CNST: variants seen among roughly 807,000 people sequenced by gnomAD.
The protein encoded by CNST is consortin.
CNST carries 39 observed loss-of-function variants against 72.4 expected under a neutral mutation model. That is an observed-to-expected ratio of 0.54 (90% CI 0.42 to 0.70). The LOEUF (loss-of-function observed/expected upper bound fraction) is 0.70, where lower values mean the gene tolerates loss of function less well. Among genes scored for constraint, CNST ranks in the 30% least tolerant of loss-of-function variants. The pLI is 0.00. For synonymous variants in CNST, 332 were observed against 320.1 expected, an observed-to-expected ratio of 1.04 and a Z score of -0.40; for missense variants, 871 against 868.5, an observed-to-expected ratio of 1.00 and a Z score of -0.04.
chr1:246,582,234 C>T (rs1232456140), intron 1 of CNST, among the ~76,000 whole-genome samples: 1 of 152,178 alleles, frequency 6.6e-6, no homozygotes, highest in Non-Finnish European at 1.5e-5. Context: ...TGTATTCTAT[C>T]TCTCACCATC....
At chr1:246,581,418 C>T (rs1298790065) in intron 1 of CNST, among the ~76,000 whole-genome samples, 1 of 152,236 alleles carries the variant, frequency 6.6e-6, no homozygotes, top group African/African-American at 2.4e-5. Flanking sequence ...CATGCGCCTC[C>T]ACGCCTGGCT....
chr1:246,664,657 A>G (rs1572264622), intron 10 of CNST, among the ~76,000 whole-genome samples: 1 of 145,562 alleles, frequency 6.9e-6, no homozygotes, highest in Non-Finnish European at 1.6e-5. Flanking sequence ...CGATCTCCTG[A>G]CCTCGTGATC....
chr1:246,617,162 A>T (rs937383026), intron 2 of CNST, among the ~76,000 whole-genome samples: 4 of 152,232 alleles, frequency 2.6e-5, no homozygotes, highest in Non-Finnish European at 1.5e-5. Flanking sequence ...ATTAAAAGAC[A>T]TAGAGGAAAA....
intron 2 of CNST, among the ~76,000 whole-genome samples, chr1:246,605,400 G>C (rs1482474753): frequency 1.3e-5 from 2 of 152,202 alleles, no homozygotes; most frequent in African/African-American, 2.4e-5. Flanking sequence ...GGGCGCGGTG[G>C]CTCACGCCTG....
At chr1:246,616,394 C>T (rs933436969) in intron 2 of CNST, among the ~76,000 whole-genome samples, 1 of 151,990 alleles carries the variant, frequency 6.6e-6, no homozygotes, top group Non-Finnish European at 1.5e-5. Flanking sequence ...ACTGCCCCCC[C>T]AGAAAATTTA....
At chr1:246,596,910 T>C (rs561517084) in intron 2 of CNST, among the ~76,000 whole-genome samples, 2 of 152,362 alleles carry the variant, frequency 1.3e-5, no homozygotes, top group East Asian at 3.9e-4. Context: ...TTGTTCCTTT[T>C]TGTGGTCAGA....
intron 3 of CNST, among the ~76,000 whole-genome samples, chr1:246,622,226 A>G (rs9426249): frequency 0.91 from 139,060 of 152,206 alleles, 63,530 homozygotes; most frequent in South Asian, 0.94. Context: ...TCTACCAGGC[A>G]CCAAAGACCC....
chr1:246,651,895 G>A (rs1482697563), intron 9 of CNST, among the ~76,000 whole-genome samples: 6 of 152,020 alleles, frequency 3.9e-5, no homozygotes, highest in Non-Finnish European at 5.9e-5. Flanking sequence ...AGATTTACTC[G>A]TTTATTCTCT....
rs111662443 is a variant in CNST at position 246,577,245 on chromosome 1, C to T, written c.-52+10582C>T. 9.7e-3 allele frequency among the ~76,000 whole-genome samples: 1,472 copies of T among 152,010 alleles called. 44 individuals carry two copies. Among genetic ancestry groups the T allele is most frequent in the African/African-American group, 0.034 (1,403 of 41,320 alleles). On this transcript the variant is annotated intron_variant, in intron 1 of 10. Coordinates refer to ENST00000366513, the MANE Select transcript of CNST (RefSeq NM_152609.3). ...GTAAATTTCAACAGTACAAGCAAAC[C>T]CTGTTTTCCTGTTGTTATGACTTTG... is the stretch of plus-strand genomic sequence containing the variant.
intron 2 of CNST, among the ~76,000 whole-genome samples, chr1:246,599,567 T>A (rs1372747408): frequency 2.0e-5 from 3 of 152,196 alleles, no homozygotes; most frequent in Non-Finnish European, 4.4e-5. Context: ...AGGTCCCTTG[T>A]GATTACACTG....
chr1:246,640,925 G>A (rs1665643904), intron 6 of CNST, among the ~76,000 whole-genome samples: 1 of 152,094 alleles, frequency 6.6e-6, no homozygotes, highest in Admixed American at 6.6e-5. Context: ...TCTGAGCAAG[G>A]TACAAGATAT....
chr1:246,658,204 T>C (rs78486834), intron 9 of CNST, among the ~76,000 whole-genome samples: 3,238 of 152,340 alleles, frequency 0.021, 135 homozygotes, highest in African/African-American at 0.073. Flanking sequence ...TCTTTAGTAG[T>C]AATGTATTCA....
At position 246,622,216 on chromosome 1, in the gene CNST, T is replaced by A. The variant is rs1387549642; in HGVS notation, c.585+582T>A. Among the ~76,000 whole-genome samples, 13 of 152,278 alleles carry A rather than the reference T, an allele frequency of 8.5e-5. No homozygotes were observed. The East Asian group carries it at 2.5e-3, about 29-fold the overall frequency. On this transcript the variant is annotated intron_variant, in intron 3 of 10. Transcript: ENST00000366513. ...AAGCTGTGTAAGAGTTTGATAAGCA[T>A]CTACCAGGCACCAAAGACCCTGCTG...
intron 2 of CNST, among the ~76,000 whole-genome samples, chr1:246,600,982 T>C (rs1177828159): frequency 6.6e-6 from 1 of 152,118 alleles, no homozygotes; most frequent in East Asian, 1.9e-4. Flanking sequence ...GAATGTGTTT[T>C]CTATGCATCA....
rs1572269059 is a variant in CNST, at chr1:246,668,066, A to G, written c.*2161A>G. On this transcript the variant is annotated 3_prime_UTR_variant, in exon 11 of 11. Transcript: ENST00000366513. The stretch of plus-strand genomic sequence containing the variant: ...GGGAGGGTGAGGTGAGCTCGGGAAC[A>G]TAACGATGTTTTGACTTACAATAGG... 2 of 152,216 alleles carry G rather than the reference A, an allele frequency of 1.3e-5. No individual in the cohort carries two copies. The highest frequency in any genetic ancestry group is 1.3e-4 in the Admixed American group (2 of 15,278). The allele number at this position is 152,216 out of a possible 1,614,324, so 9.4% of individuals were successfully genotyped here. A position where few individuals can be genotyped will look rare whatever the true frequency, so the allele number is the denominator to read the frequency against.
intron 2 of CNST, among the ~76,000 whole-genome samples, chr1:246,610,243 T>G (rs1663218993): frequency 6.6e-6 from 1 of 152,140 alleles, no homozygotes; most frequent in Admixed American, 6.5e-5. Flanking sequence ...ATCGTGCCAC[T>G]GCACTCCAGC....
At chr1:246,578,504 T>C (rs1660579065) in intron 1 of CNST, among the ~76,000 whole-genome samples, 1 of 151,928 alleles carries the variant, frequency 6.6e-6, no homozygotes, top group Non-Finnish European at 1.5e-5. Flanking sequence ...ACCCCGTCTC[T>C]ACTAAACATA....
In CNST at chr1:246,651,265, C is replaced by A. The variant is rs186622142; in HGVS notation, c.1836+3228C>A. Among the ~76,000 whole-genome samples the A allele has an allele frequency of 2.9e-3, 437 of 152,258 alleles. 3 individuals are homozygous for A. Among genetic ancestry groups the A allele is most frequent in the Non-Finnish European group, 4.9e-3 (335 of 68,028 alleles). Reference sequence around the variant, plus strand: ...GAGGCAATGAGTCTGCCCCCTCCACCCCTCCACGCTGCTGTGCTATCGCAG... The same window carrying A: ...GAGGCAATGAGTCTGCCCCCTCCACACCTCCACGCTGCTGTGCTATCGCAG... On this transcript the variant is annotated intron_variant, in intron 9 of 10. Transcript: ENST00000366513.
intron 9 of CNST, among the ~76,000 whole-genome samples, chr1:246,658,696 G>A (rs1279953505): frequency 3.9e-5 from 6 of 152,174 alleles, no homozygotes; most frequent in African/African-American, 1.4e-4. Context: ...GCCATCCTCA[G>A]CTTAGTCACT....
Sources: gnomAD v4.1 joint callset for allele counts (sites outside exome capture counted in the v4.1 genomes callset) on GRCh38, gnomAD v4.1.1 for gene constraint, MANE v1.5 for transcripts, NCBI Gene and HGNC (gene_info 2026-07-23, HGNC 2026-07-21) for gene names.